KLF8: variants seen among roughly 807,000 people sequenced by gnomAD.
The protein encoded by KLF8 is Krueppel-like factor 8.
KLF8 carries 10 observed loss-of-function variants against 18.2 expected under a neutral mutation model. That is an observed-to-expected ratio of 0.55 (90% CI 0.34 to 0.93). KLF8 has a LOEUF of 0.93. KLF8 is among the 40% of genes least tolerant of loss of function. The probability of loss-of-function intolerance (pLI) is 0.02; values close to 1 mark genes in which losing one functional copy is unlikely to be tolerated. For synonymous variants in KLF8, 109 were observed against 97.3 expected, an observed-to-expected ratio of 1.12 and a Z score of -0.71; for missense variants, 264 against 277.9, an observed-to-expected ratio of 0.95 and a Z score of 0.36.
chrX:56,205,838 T>C, the KLF8 span, among the ~76,000 whole-genome samples: 2 of 111,922 alleles, frequency 1.8e-5, no homozygotes, highest in Admixed American at 9.5e-5. Context: ...TCATGACTTA[T>C]TATTCATCTG....
upstream of KLF8, among the ~76,000 whole-genome samples, chrX:56,230,412 A>AT (rs1399098521): frequency 3.6e-5 from 4 of 112,003 alleles, no homozygotes; most frequent in Non-Finnish European, 7.5e-5. Flanking sequence ...AATAAAGTAA[A>AT]TTTTTTAAAT....
chrX:56,182,822 C>A, the KLF8 span, among the ~76,000 whole-genome samples: 1 of 112,433 alleles, frequency 8.9e-6, no homozygotes, highest in Non-Finnish European at 1.9e-5. Flanking sequence ...CCTGTTCCTT[C>A]TTCTGGAAGC....
chrX:56,217,661 C>T, the KLF8 span, among the ~76,000 whole-genome samples: 1 of 111,225 alleles, frequency 9.0e-6, no homozygotes, highest in Admixed American at 9.6e-5. Flanking sequence ...CCTTGTGATC[C>T]ACCTGCCTTG....
chrX:56,006,062 G>C, the KLF8 span, among the ~76,000 whole-genome samples: 2 of 112,334 alleles, frequency 1.8e-5, no homozygotes, highest in Non-Finnish European at 3.8e-5. Context: ...GCTCTCTCCA[G>C]GTTCAACAGT....
At chrX:56,048,140 T>G in the KLF8 span, among the ~76,000 whole-genome samples, 1 of 112,052 alleles carries the variant, frequency 8.9e-6, no homozygotes, top group Non-Finnish European at 1.9e-5. Flanking sequence ...TAAATTTGTT[T>G]GAGTTCATTG....
At chrX:55,984,577 A>G in the KLF8 span, among the ~76,000 whole-genome samples, 2 of 111,625 alleles carry the variant, frequency 1.8e-5, no homozygotes, top group African/African-American at 6.5e-5. Flanking sequence ...TAGTGCTGCA[A>G]TGAACATATG....
the KLF8 span, among the ~76,000 whole-genome samples, chrX:56,051,038 C>G: frequency 3.6e-5 from 4 of 109,747 alleles, no homozygotes; most frequent in African/African-American, 1.3e-4. Flanking sequence ...TTCTTTGTCT[C>G]TTTTGATCTT....
chrX:56,082,623 A>G, the KLF8 span, among the ~76,000 whole-genome samples: 2 of 110,248 alleles, frequency 1.8e-5, no homozygotes, highest in African/African-American at 6.6e-5. Flanking sequence ...CATAGTTTTC[A>G]TACATCACAT....
rs1279743864 is a variant in KLF8, at chrX:56,284,756, C to G, written c.*262C>G. ...CAGTGTGGCACCCATGGCTGCCTTC[C>G]CATCCCCCCCTGCTCTGAAATAGGA... On this transcript the variant is annotated 3_prime_UTR_variant, in exon 6 of 6. Transcript: ENST00000468660. 5 of 272,922 alleles carry G rather than the reference C, an allele frequency of 1.8e-5. No individual in the cohort carries two copies. Among genetic ancestry groups the G allele is most frequent in the Non-Finnish European group, 3.2e-5 (5 of 156,077 alleles). 22.5% of individuals were successfully genotyped at this position (272,922 alleles called of 1,213,427 possible).
the KLF8 span, among the ~76,000 whole-genome samples, chrX:56,116,650 T>C: frequency 2.0e-5 from 2 of 101,806 alleles, no homozygotes; most frequent in East Asian, 3.0e-4. Context: ...TATATATATA[T>C]ATATATATAT....
the KLF8 span, among the ~76,000 whole-genome samples, chrX:56,085,428 G>A: frequency 2.6e-4 from 29 of 112,059 alleles, 1 homozygote; most frequent in South Asian, 3.7e-4. Flanking sequence ...AACCAGTAGC[G>A]CCGAAGACAG....
At chrX:56,088,002 A>G in the KLF8 span, among the ~76,000 whole-genome samples, 1 of 111,213 alleles carries the variant, frequency 9.0e-6, no homozygotes, top group Admixed American at 9.6e-5. Flanking sequence ...TAGCTATATG[A>G]ACATACTGTA....
At chrX:56,049,943 G>A in the KLF8 span, among the ~76,000 whole-genome samples, 2 of 110,070 alleles carry the variant, frequency 1.8e-5, no homozygotes, top group East Asian at 2.9e-4. Context: ...CACAATTTCA[G>A]CTCCTGTTAT....
the KLF8 span, among the ~76,000 whole-genome samples, chrX:55,964,146 C>T: frequency 6.3e-5 from 7 of 111,614 alleles, no homozygotes; most frequent in African/African-American, 2.0e-4. Flanking sequence ...GTTTATAGCA[C>T]TAAACACCCA....
the KLF8 span, among the ~76,000 whole-genome samples, chrX:55,942,295 C>T: frequency 1.8e-5 from 2 of 109,874 alleles, no homozygotes; most frequent in Non-Finnish European, 3.8e-5. Flanking sequence ...CATTTTCTTA[C>T]TCATAGGTGG....
the KLF8 span, among the ~76,000 whole-genome samples, chrX:55,941,231 C>G: frequency 8.9e-6 from 1 of 112,078 alleles, no homozygotes; most frequent in African/African-American, 3.2e-5. Context: ...CTACAACTAT[C>G]TTATCTTTGA....
chrX:56,095,910 A>C, the KLF8 span, among the ~76,000 whole-genome samples: 1 of 111,837 alleles, frequency 8.9e-6, no homozygotes, highest in African/African-American at 3.2e-5. Context: ...AGTAACTAAA[A>C]ATAGAATTAT....
At chrX:55,917,975 T>C in the KLF8 span, among the ~76,000 whole-genome samples, 98 of 112,288 alleles carry the variant, frequency 8.7e-4, no homozygotes, top group African/African-American at 3.0e-3. Flanking sequence ...TACTAGATCA[T>C]GCTGCTTTTA....
At chrX:56,104,693 G>T in the KLF8 span, among the ~76,000 whole-genome samples, 1 of 111,175 alleles carries the variant, frequency 9.0e-6, no homozygotes, top group Non-Finnish European at 1.9e-5. Flanking sequence ...TTTTTGAAGG[G>T]TTTTTTGTGT....
Sources: allele counts gnomAD v4.1 joint callset (sites outside exome capture counted in the v4.1 genomes callset), GRCh38; gene constraint gnomAD v4.1.1; transcripts MANE v1.5; gene names NCBI Gene and HGNC (gene_info 2026-07-23, HGNC 2026-07-21).